Variants in NOL4 observed in about 807,000 individuals in gnomAD.
NOL4 encodes nucleolar protein 4, also known as cancer/testis antigen 125.
A neutral mutation model predicts 75.9 loss-of-function variants in NOL4; 17 were observed. That is an observed-to-expected ratio of 0.22 (90% confidence interval 0.15 to 0.34). The LOEUF (loss-of-function observed/expected upper bound fraction) is 0.34, where lower values mean the gene tolerates loss of function less well. Among genes scored for constraint, NOL4 ranks in the 10% least tolerant of loss-of-function variants. The pLI is 1.00. For synonymous variants in NOL4, 292 were observed against 289.9 expected (o/e 1.01, Z -0.07); for missense variants, 614 against 793.5 (o/e 0.77, Z 2.72).
At chr18:33,915,520 G>A (rs2066663057) in intron 9 of NOL4, among the ~76,000 whole-genome samples, 1 of 152,096 alleles carries the variant, frequency 6.6e-6, no homozygotes, top group Non-Finnish European at 1.5e-5. Context: ...AGAGAGCAGG[G>A]AGAATTGCTG....
At chr18:34,016,587 C>T (rs140121107) in intron 6 of NOL4, among the ~76,000 whole-genome samples, 2 of 152,134 alleles carry the variant, frequency 1.3e-5, no homozygotes, top group Non-Finnish European at 2.9e-5. Context: ...ACATGCTTAC[C>T]CCTCTCCCAT....
At chr18:33,967,847 G>T (rs1278794879) in intron 6 of NOL4, among the ~76,000 whole-genome samples, 1 of 152,256 alleles carries the variant, frequency 6.6e-6, no homozygotes, top group Admixed American at 6.5e-5. Flanking sequence ...CCAGCACTTG[G>T]GGGGCCGAGG....
chr18:34,210,597 T>C (rs2036447562), intron 1 of NOL4, among the ~76,000 whole-genome samples: 3 of 152,332 alleles, frequency 2.0e-5, no homozygotes, highest in Non-Finnish European at 4.4e-5. Context: ...TCAGTCATTA[T>C]GTTATACAGA....
chr18:34,193,182 T>C (rs1052565739), intron 1 of NOL4, among the ~76,000 whole-genome samples: 1 of 151,636 alleles, frequency 6.6e-6, no homozygotes. Context: ...AAGGAAAAAA[T>C]TTTATGACAT....
intron 9 of NOL4, among the ~76,000 whole-genome samples, chr18:33,898,733 T>C (rs1249617370): frequency 6.6e-6 from 1 of 152,178 alleles, no homozygotes; most frequent in Non-Finnish European, 1.5e-5. Flanking sequence ...TCACATCTTC[T>C]TAAGTTAATT....
intron 8 of NOL4, among the ~76,000 whole-genome samples, chr18:33,948,008 G>A (rs1026050500): frequency 1.4e-4 from 21 of 151,922 alleles, no homozygotes; most frequent in African/African-American, 5.1e-4. Context: ...AACTATACAT[G>A]AAATAACTTT....
At chr18:33,952,276 T>C (rs1459152494) in intron 8 of NOL4, among the ~76,000 whole-genome samples, 3 of 152,150 alleles carry the variant, frequency 2.0e-5, no homozygotes, top group African/African-American at 7.2e-5. Flanking sequence ...TACAACTTAG[T>C]TATTCTTCAA....
At chr18:34,016,004 G>C (rs1304878709) in intron 6 of NOL4, among the ~76,000 whole-genome samples, 1 of 151,954 alleles carries the variant, frequency 6.6e-6, no homozygotes, top group African/African-American at 2.4e-5. Flanking sequence ...CAGTGGACAA[G>C]GTAAACATCA....
intron 1 of NOL4, among the ~76,000 whole-genome samples, chr18:34,207,111 G>A (rs2036174873): frequency 6.6e-6 from 1 of 152,080 alleles, no homozygotes; most frequent in Non-Finnish European, 1.5e-5. Flanking sequence ...CTTCAAGAGT[G>A]TTTGCATTTT....
At chr18:34,222,072 G>A (rs1186741714) in intron 1 of NOL4, 7 of 1,535,344 alleles carry the variant, frequency 4.6e-6, no homozygotes, top group East Asian at 2.5e-5. Context: ...CCTACTTGTA[G>A]CCCACAGTTC....
chr18:33,879,005 A>G (rs974490374), intron 10 of NOL4, among the ~76,000 whole-genome samples: 2 of 152,134 alleles, frequency 1.3e-5, no homozygotes, highest in African/African-American at 4.8e-5. Flanking sequence ...ATGGAGTCAA[A>G]TTATGATTTT....
intron 1 of NOL4, among the ~76,000 whole-genome samples, chr18:34,204,727 A>C (rs1272948072): frequency 6.6e-6 from 1 of 152,178 alleles, no homozygotes; most frequent in Non-Finnish European, 1.5e-5. Context: ...CAGAGGTGGT[A>C]CTTCAGAACC....
chr18:33,925,705 G>A (rs2067283289), intron 9 of NOL4, among the ~76,000 whole-genome samples: 1 of 152,024 alleles, frequency 6.6e-6, no homozygotes, highest in Non-Finnish European at 1.5e-5. Flanking sequence ...AAATCCAAAG[G>A]GAGCTAAATA....
intron 8 of NOL4, among the ~76,000 whole-genome samples, chr18:33,949,526 G>A (rs1405755286): frequency 6.6e-6 from 1 of 152,058 alleles, no homozygotes; most frequent in Admixed American, 6.6e-5. Context: ...GTAGCAAGAA[G>A]TTGTCTAAGA....
At chr18:34,175,766 C>T (rs1435876515) in intron 1 of NOL4, among the ~76,000 whole-genome samples, 1 of 152,198 alleles carries the variant, frequency 6.6e-6, no homozygotes, top group East Asian at 1.9e-4. Flanking sequence ...AGTTGCTACA[C>T]ATGACAAAGA....
rs200322035 is a variant in NOL4, at chr18:33,917,492, T to TTTAA, written c.1542+25569_1542+25572dup. Among the ~76,000 whole-genome samples, 853 of 152,146 alleles carry TTTAA rather than the reference T, an allele frequency of 5.6e-3. 13 individuals are homozygous for TTTAA. Among genetic ancestry groups the TTTAA allele is most frequent in the African/African-American group, 0.019 (803 of 41,494 alleles). On this transcript the variant is annotated intron_variant, in intron 9 of 10. Transcript: ENST00000261592. ...GTCTTAAACTCTATAGAAGGCTAATTTTAATTAATTAATTAATGTTTTTAC... is the reference window on the plus strand; with the variant it reads ...GTCTTAAACTCTATAGAAGGCTAATTTTAATTAATTAATTAATTAATGTTTTTAC...
intron 6 of NOL4, among the ~76,000 whole-genome samples, chr18:34,011,509 C>A (rs2074370771): frequency 6.6e-6 from 1 of 151,556 alleles, no homozygotes; most frequent in Non-Finnish European, 1.5e-5. Context: ...AAATATAGTT[C>A]TTTCTCTTAG....
intron 9 of NOL4, among the ~76,000 whole-genome samples, chr18:33,906,994 A>T (rs550778623): frequency 6.6e-6 from 1 of 152,286 alleles, no homozygotes; most frequent in African/African-American, 2.4e-5. Context: ...TTCATTGTAT[A>T]TAAATTAGTT....
At chr18:34,099,112 C>T (rs2078921392) in intron 4 of NOL4, among the ~76,000 whole-genome samples, 1 of 151,874 alleles carries the variant, frequency 6.6e-6, no homozygotes, top group African/African-American at 2.4e-5. Flanking sequence ...CCTGTAATCC[C>T]AGCACTTTGG....
Sources: allele counts gnomAD v4.1 joint callset (sites outside exome capture counted in the v4.1 genomes callset), GRCh38; gene constraint gnomAD v4.1.1; transcripts MANE v1.5; gene names NCBI Gene and HGNC (gene_info 2026-07-23, HGNC 2026-07-21).